Variants in NOSTRIN observed in about 807,000 individuals in gnomAD.
NOSTRIN encodes nitric oxide synthase trafficking, also known as BM247 homolog.
Under a neutral mutation model 59.0 loss-of-function variants are expected in NOSTRIN, and 63 were observed. The ratio of observed to expected loss-of-function variants is 1.07; its 90% CI spans 0.87 to 1.32. The LOEUF is 1.32. Among genes scored for constraint, NOSTRIN ranks in the 40% most tolerant of loss-of-function variants. NOSTRIN has a pLI of 0.00. For synonymous variants in NOSTRIN, 200 were observed against 165.4 expected (o/e 1.21, Z -1.61); for missense variants, 512 against 473.1 (o/e 1.08, Z -0.76).
At chr2:168,823,207 G>A (rs370567089) in intron 2 of NOSTRIN, among the ~76,000 whole-genome samples, 27 of 152,082 alleles carry the variant, frequency 1.8e-4, no homozygotes, top group African/African-American at 4.1e-4. Flanking sequence ...TAGTAGAGAC[G>A]GGGTTTCACT....
At chr2:168,862,898 G>A (rs953109457) in intron 15 of NOSTRIN, among the ~76,000 whole-genome samples, 4 of 152,306 alleles carry the variant, frequency 2.6e-5, no homozygotes, top group Non-Finnish European at 4.4e-5. Context: ...CAGAGCCAAT[G>A]GAAAATCAAG....
intron 7 of NOSTRIN, among the ~76,000 whole-genome samples, chr2:168,837,347 T>A (rs1373414630): frequency 1.4e-5 from 2 of 141,230 alleles, no homozygotes; most frequent in Admixed American, 7.3e-5. Flanking sequence ...TCTTGCTGTG[T>A]CGCCCAGGCT....
chr2:168,850,833 T>C (rs1039641198), intron 8 of NOSTRIN: 1 of 788,086 alleles, frequency 1.3e-6, no homozygotes, highest in African/African-American at 1.7e-5. Flanking sequence ...CTCATAAACT[T>C]AGGTAACCCA....
chr2:168,796,883 T>C (rs944825482), upstream of NOSTRIN, among the ~76,000 whole-genome samples: 22 of 152,052 alleles, frequency 1.4e-4, no homozygotes, highest in Non-Finnish European at 1.2e-4. Flanking sequence ...CCGTAAACAA[T>C]ATCCCCTGCC....
At chr2:168,824,358 G>T (rs1276045382) in intron 2 of NOSTRIN, among the ~76,000 whole-genome samples, 4 of 152,012 alleles carry the variant, frequency 2.6e-5, no homozygotes, top group African/African-American at 9.7e-5. Flanking sequence ...GAGTGCAGTG[G>T]CACAATCTCA....
At chr2:168,804,698 T>C (rs1559103397) in intron 1 of NOSTRIN, among the ~76,000 whole-genome samples, 1 of 152,186 alleles carries the variant, frequency 6.6e-6, no homozygotes, top group Non-Finnish European at 1.5e-5. Context: ...TTAGCTACTG[T>C]TCTTAACCGG....
intron 12 of NOSTRIN, 55 bp downstream of exon 12, chr2:168,856,833 A>C (rs887038192): frequency 3.3e-6 from 5 of 1,529,866 alleles, no homozygotes; most frequent in Non-Finnish European, 4.5e-6. Flanking sequence ...GGTTATTTTT[A>C]GAATACTTGT....
chr2:168,863,735 G>C (rs1437208399), intron 15 of NOSTRIN: 1 of 845,498 alleles, frequency 1.2e-6, no homozygotes, highest in Non-Finnish European at 1.4e-6. Flanking sequence ...TTGATCTTAA[G>C]AAAAGACTGT....
At chr2:168,845,664 T>G (rs951777042) in intron 8 of NOSTRIN, among the ~76,000 whole-genome samples, 2 of 152,218 alleles carry the variant, frequency 1.3e-5, no homozygotes, top group African/African-American at 2.4e-5. Context: ...TGAAGCATCA[T>G]GGAAATTATC....
In NOSTRIN at chr2:168,856,671, A is replaced by C. The variant is rs1689141847; in HGVS notation, c.965-19A>C. On this transcript the variant is annotated intron_variant, in intron 11 of 15. Coordinates refer to ENST00000317647, the MANE Select transcript of NOSTRIN (RefSeq NM_001039724.4). ...TGAGACAGTGTGAAAGGTGACTGAGAACATGATTTCATTTTCAGGCCTGGA... is the reference window on the plus strand; with the variant it reads ...TGAGACAGTGTGAAAGGTGACTGAGCACATGATTTCATTTTCAGGCCTGGA... 6.2e-7 allele frequency: 1 copy of C among 1,611,272 alleles called. No homozygotes were observed. The highest frequency in any genetic ancestry group is 8.5e-7 in the Non-Finnish European group (1 of 1,177,578).
chr2:168,821,008 C>T (rs1465475354), intron 2 of NOSTRIN, among the ~76,000 whole-genome samples: 2 of 152,132 alleles, frequency 1.3e-5, no homozygotes, highest in Non-Finnish European at 2.9e-5. Context: ...GACAAGAAAA[C>T]GGGATTCTTC....
chr2:168,824,907 A>G (rs1686972888), intron 3 of NOSTRIN, among the ~76,000 whole-genome samples, 190 bp downstream of exon 3: 1 of 151,724 alleles, frequency 6.6e-6, no homozygotes, highest in Non-Finnish European at 1.5e-5. Context: ...TCCCATATAG[A>G]GTAGCTGGGA....
intron 10 of NOSTRIN, among the ~76,000 whole-genome samples, chr2:168,852,957 C>A (rs1351598676): frequency 1.3e-5 from 2 of 152,056 alleles, no homozygotes; most frequent in East Asian, 1.9e-4. Context: ...GAAAAATGTA[C>A]AATAAAATAA....
chr2:168,805,133 C>A (rs898010895), intron 1 of NOSTRIN, among the ~76,000 whole-genome samples: 1 of 152,104 alleles, frequency 6.6e-6, no homozygotes, highest in Non-Finnish European at 1.5e-5. Context: ...ACAAAAAGGG[C>A]TCATGGTACG....
At chr2:168,837,348 C>T (rs1198505595) in intron 7 of NOSTRIN, among the ~76,000 whole-genome samples, 4 of 101,660 alleles carry the variant, frequency 3.9e-5, no homozygotes, top group South Asian at 3.5e-4. Context: ...CTTGCTGTGT[C>T]GCCCAGGCTG....
chr2:168,827,952 G>C (rs940874010), intron 3 of NOSTRIN, among the ~76,000 whole-genome samples: 19 of 151,654 alleles, frequency 1.3e-4, no homozygotes, highest in Admixed American at 3.9e-4. Context: ...AAAATAACTG[G>C]GAAAAAAGCA....
chr2:168,826,964 T>G (rs1276669695), intron 3 of NOSTRIN, among the ~76,000 whole-genome samples: 1 of 151,940 alleles, frequency 6.6e-6, no homozygotes, highest in Non-Finnish European at 1.5e-5. Flanking sequence ...CTCCTGTAAT[T>G]GTAAGTATAT....
chr2:168,789,327 C>T (rs1685286477), intron 2 of NOSTRIN, among the ~76,000 whole-genome samples: 1 of 152,206 alleles, frequency 6.6e-6, no homozygotes, highest in African/African-American at 2.4e-5. Context: ...TTAATAGGCT[C>T]ACAGTTCCAC....
upstream of NOSTRIN, among the ~76,000 whole-genome samples, chr2:168,793,895 A>G (rs1451830446): frequency 6.6e-6 from 1 of 152,236 alleles, no homozygotes; most frequent in Non-Finnish European, 1.5e-5. Flanking sequence ...ATCAAGTGTC[A>G]GCAAGTGTGA....
Sources: allele counts gnomAD v4.1 joint callset (sites outside exome capture counted in the v4.1 genomes callset), GRCh38; gene constraint gnomAD v4.1.1; transcripts MANE v1.5; gene names NCBI Gene and HGNC (gene_info 2026-07-23, HGNC 2026-07-21).